Variants in ANKRD36 observed in about 807,000 individuals in gnomAD.
The protein encoded by ANKRD36 is ankyrin repeat domain 36.
A neutral mutation model predicts 278.1 loss-of-function variants in ANKRD36; 179 were observed. That is an observed-to-expected ratio of 0.64 (90% CI 0.57 to 0.73). The LOEUF (loss-of-function observed/expected upper bound fraction) is 0.73. ANKRD36 is among the 30% of genes least tolerant of loss of function. The pLI, the probability that ANKRD36 is intolerant of heterozygous loss-of-function variation, is 0.00. For missense variants in ANKRD36, 1,159 were observed against 1,956.7 expected (o/e 0.59, Z 7.69); for synonymous variants, 320 against 641.1 (o/e 0.50, Z 7.57).
chr2:97,217,295 T>G lies in ANKRD36; in HGVS notation c.3703-5T>G. The G allele has an allele frequency of 6.5e-7, 1 of 1,549,834 alleles. No homozygotes were observed. The highest frequency in any genetic ancestry group is 8.7e-7 in the Non-Finnish European group (1 of 1,147,590). On this transcript the variant is annotated splice_polypyrimidine_tract_variant and splice_region_variant and intron_variant, in intron 63 of 75. Coordinates refer to ENST00000420699, the MANE Select transcript of ANKRD36 (RefSeq NM_001354587.1). The stretch of plus-strand genomic sequence containing the variant: ...ATTGACTATTTTGTTTCTCTTTCCA[T>G]TCAGGTTATATTTAAAAAGAAAGTT...
At position 97,227,552 on chromosome 2, in the gene ANKRD36, A is replaced by T. The variant is rs1330075030; in HGVS notation, c.3951+2673A>T. Reference sequence around the variant, plus strand: ...TGAGACAATGGGGTTTTCTAGATATACAATCATGTCGTCTGCAAACAGGGA... The same window carrying T: ...TGAGACAATGGGGTTTTCTAGATATTCAATCATGTCGTCTGCAAACAGGGA... On this transcript the variant is annotated intron_variant, in intron 67 of 75. Coordinates refer to ENST00000420699, the MANE Select transcript of ANKRD36 (RefSeq NM_001354587.1). Among the ~76,000 whole-genome samples the T allele has an allele frequency of 5.9e-5, 9 of 152,104 alleles. No homozygotes were observed. The South Asian group carries it at 6.3e-4, about 11-fold the overall frequency.
chr2:97,205,073 A>T (rs1206270123), intron 50 of ANKRD36, among the ~76,000 whole-genome samples: 1 of 151,568 alleles, frequency 6.6e-6, no homozygotes, highest in Non-Finnish European at 1.5e-5. Flanking sequence ...AAATAACATG[A>T]TATTGCCAAC....
chr2:97,223,098 C>CTT (rs58708702), intron 66 of ANKRD36, among the ~76,000 whole-genome samples: 6,093 of 123,940 alleles, frequency 0.049, 590 homozygotes, highest in African/African-American at 0.17. Flanking sequence ...TTATTATACA[C>CTT]TTTTTTTTTT....
At chr2:97,159,825 C>T (rs1415142353) in intron 17 of ANKRD36, among the ~76,000 whole-genome samples, 1 of 151,636 alleles carries the variant, frequency 6.6e-6, no homozygotes, top group East Asian at 1.9e-4. Flanking sequence ...CTCTGTCGCC[C>T]AGGCTGGAGG....
chr2:97,146,054 A>C (rs368426009), intron 10 of ANKRD36, among the ~76,000 whole-genome samples: 1 of 152,038 alleles, frequency 6.6e-6, no homozygotes, highest in Admixed American at 6.6e-5. Context: ...CTTCAACTTT[A>C]ACCTTCTGGG....
intron 67 of ANKRD36, among the ~76,000 whole-genome samples, chr2:97,232,524 AC>A (rs1462673749): frequency 2.3e-5 from 3 of 130,618 alleles, no homozygotes; most frequent in Non-Finnish European, 4.6e-5. Flanking sequence ...TACAGGAAGA[AC>A]AAACTTAAGT....
intron 1 of ANKRD36, 136 bp from the exon 2 acceptor site, chr2:97,117,928 T>C (rs2035927636): frequency 9.6e-6 from 12 of 1,243,552 alleles, no homozygotes; most frequent in South Asian, 3.3e-5. Context: ...CTTTCATTAA[T>C]GTGGTGAGTA....
chr2:97,228,368 T>A (rs150365032), intron 67 of ANKRD36, among the ~76,000 whole-genome samples: 1 of 151,768 alleles, frequency 6.6e-6, no homozygotes, highest in African/African-American at 2.4e-5. Context: ...GTCTTGGGAG[T>A]GTGTATGTGT....
At chr2:97,164,812 A>C (rs929478749) in intron 20 of ANKRD36, among the ~76,000 whole-genome samples, 1 of 152,262 alleles carries the variant, frequency 6.6e-6, no homozygotes, top group African/African-American at 2.4e-5. Context: ...TGTCTTCTTC[A>C]TCTAGAGAAA....
chr2:97,230,611 G>A (rs1427337979), intron 67 of ANKRD36, among the ~76,000 whole-genome samples: 1 of 152,064 alleles, frequency 6.6e-6, no homozygotes, highest in Admixed American at 6.6e-5. Context: ...AGAGTAGTTT[G>A]ATCGTCTGAA....
intron 12 of ANKRD36, among the ~76,000 whole-genome samples, chr2:97,151,576 T>C: frequency 6.7e-6 from 1 of 150,060 alleles, no homozygotes. Context: ...CTAAATTACA[T>C]ATGAGTACAT....
At chr2:97,152,022 C>G (rs1023507109) in intron 13 of ANKRD36, 83 bp downstream of exon 13, 1 of 1,129,312 alleles carries the variant, frequency 8.9e-7, no homozygotes. Flanking sequence ...CACAGTCTTA[C>G]TAGTCTGCAG....
At chr2:97,208,444 G>A (rs1326610152) in intron 54 of ANKRD36, among the ~76,000 whole-genome samples, 4 of 146,488 alleles carry the variant, frequency 2.7e-5, no homozygotes, top group East Asian at 2.0e-4. Flanking sequence ...TGTAGCAACA[G>A]TTTTCCTAAG....
intron 11 of ANKRD36, among the ~76,000 whole-genome samples, chr2:97,147,110 C>T (rs2153457813): frequency 6.6e-6 from 1 of 151,864 alleles, no homozygotes; most frequent in African/African-American, 2.4e-5. Flanking sequence ...TTTTACTGTG[C>T]ATGGAGAATA....
chr2:97,190,597 C>T (rs1558620674), intron 34 of ANKRD36, among the ~76,000 whole-genome samples: 2 of 151,640 alleles, frequency 1.3e-5, no homozygotes, highest in South Asian at 2.1e-4. Context: ...TTTTGATTTC[C>T]TGCATGAAAG....
intron 36 of ANKRD36, among the ~76,000 whole-genome samples, chr2:97,191,499 AAG>A (rs2058508094): frequency 6.6e-6 from 1 of 151,686 alleles, no homozygotes; most frequent in Non-Finnish European, 1.5e-5. Context: ...TGGAAGGAGA[AAG>A]AGAGGAAGTA....
intron 20 of ANKRD36, among the ~76,000 whole-genome samples, 186 bp downstream of exon 20, chr2:97,164,655 G>A (rs74515241): frequency 2.0e-5 from 3 of 152,310 alleles, no homozygotes; most frequent in Admixed American, 6.5e-5. Flanking sequence ...CATTTTACAC[G>A]GTGAGCTCTA....
At chr2:97,202,511 G>A in intron 48 of ANKRD36, 118 bp downstream of exon 48, 1 of 1,453,806 alleles carries the variant, frequency 6.9e-7, no homozygotes, top group Non-Finnish European at 9.2e-7. Flanking sequence ...GCAGGCTGGA[G>A]ATTCTTCATT....
In ANKRD36 at chr2:97,209,842, G is replaced by A; in HGVS notation, c.3337G>A (p.Glu1113Lys). ...AGATTCTGTTTTGTATATAGCCAGA[G>A]AAAAAAAGGATGGAGAAAAATCTAG... ...EKDSVLYIAR[E>K]KKDGEKSRTV... The change falls in exon 56 of 76, where the codon GAA (glutamate) becomes AAA (lysine). Residue 1113 changes from glutamate (E) to lysine (K), a missense_variant. Coordinates refer to ENST00000420699, the MANE Select transcript of ANKRD36 (RefSeq NM_001354587.1). The A allele has an allele frequency of 3.8e-6, 6 of 1,591,842 alleles. No individual in the cohort carries two copies. The highest frequency in any genetic ancestry group is 1.1e-5 in the South Asian group (1 of 88,150).
Sources: allele counts gnomAD v4.1 joint callset (sites outside exome capture counted in the v4.1 genomes callset), GRCh38; gene constraint gnomAD v4.1.1; transcripts MANE v1.5; gene names NCBI Gene and HGNC (gene_info 2026-07-23, HGNC 2026-07-21).